GXYLT2: variants seen among roughly 807,000 people sequenced by gnomAD.
GXYLT2 encodes glycosyltransferase 8 domain containing 4.
In GXYLT2, 53 loss-of-function variants were observed where a neutral mutation model predicts 45.8. That is an observed-to-expected ratio of 1.16 (90% CI 0.93 to 1.46). The LOEUF is 1.46. Among genes scored for constraint, GXYLT2 ranks in the 40% most tolerant of loss-of-function variants. GXYLT2 has a pLI of 0.00. For missense variants in GXYLT2, 551 were observed against 544.4 expected, an observed-to-expected ratio of 1.01 and a Z score of -0.12; for synonymous variants, 219 against 214.2, an observed-to-expected ratio of 1.02 and a Z score of -0.19.
At chr3:72,967,790 T>C in intron 6 of GXYLT2, 71 bp downstream of exon 6, 1 of 1,379,650 alleles carries the variant, frequency 7.2e-7, no homozygotes, top group African/African-American at 1.4e-5. Context: ...TTTAGTCACC[T>C]GTCCCTTTGA....
chr3:72,957,864 G>T (rs11914597), intron 5 of GXYLT2, among the ~76,000 whole-genome samples: 45 of 152,220 alleles, frequency 3.0e-4, no homozygotes, highest in African/African-American at 1.0e-3. Flanking sequence ...TGGATGATTT[G>T]GTGGGGTAGA....
At chr3:72,892,090 T>C (rs1709193339) in intron 1 of GXYLT2, among the ~76,000 whole-genome samples, 2 of 152,206 alleles carry the variant, frequency 1.3e-5, no homozygotes, top group African/African-American at 4.8e-5. Context: ...AATTGGGTTC[T>C]AGTCCAAAGC....
In GXYLT2 at chr3:72,967,531, CT is replaced by C. The variant is rs758333911; in HGVS notation, c.977-15del. 3 of 1,608,494 alleles carry C rather than the reference CT, an allele frequency of 1.9e-6. No homozygotes were observed. The highest frequency in any genetic ancestry group is 2.6e-6 in the Non-Finnish European group (3 of 1,175,910). ...ACTAACCGTGGACATATATGTCTTTCTCTTTTTACCACCAGAGTGTCTCTAT... is the reference window on the plus strand; with the variant it reads ...ACTAACCGTGGACATATATGTCTTTCCTTTTTACCACCAGAGTGTCTCTAT... On this transcript the variant is annotated splice_polypyrimidine_tract_variant and intron_variant, in intron 5 of 6. Transcript: ENST00000389617.
intron 3 of GXYLT2, among the ~76,000 whole-genome samples, chr3:72,924,378 G>A (rs1709881692): frequency 6.6e-6 from 1 of 151,886 alleles, no homozygotes; most frequent in African/African-American, 2.4e-5. Context: ...ATTTTTTGTA[G>A]AGATGATGTC....
intron 2 of GXYLT2, among the ~76,000 whole-genome samples, chr3:72,914,595 G>A (rs549979401): frequency 5.3e-5 from 8 of 152,228 alleles, no homozygotes; most frequent in African/African-American, 1.9e-4. Flanking sequence ...GTGTGCCCAT[G>A]TGCGTGTGTG....
At chr3:72,950,348 C>G (rs1463799228) in intron 3 of GXYLT2, among the ~76,000 whole-genome samples, 4 of 152,134 alleles carry the variant, frequency 2.6e-5, no homozygotes, top group Non-Finnish European at 4.4e-5. Context: ...GTAATCCCAG[C>G]TACTCCAGAC....
intron 2 of GXYLT2, among the ~76,000 whole-genome samples, chr3:72,919,054 A>G (rs1041135333): frequency 1.3e-5 from 2 of 152,210 alleles, no homozygotes; most frequent in South Asian, 2.1e-4. Context: ...TCATGCAGCC[A>G]CTTTGGAAGA....
intron 5 of GXYLT2, among the ~76,000 whole-genome samples, chr3:72,961,675 AGAGAG>A (rs1372253328): frequency 2.5e-5 from 1 of 39,316 alleles, no homozygotes; most frequent in African/African-American, 4.5e-5. Context: ...AAAAAAAAAA[AGAGAG>A]AGAGAGAGAC....
At chr3:72,963,262 T>C (rs905306688) in intron 5 of GXYLT2, among the ~76,000 whole-genome samples, 1 of 152,170 alleles carries the variant, frequency 6.6e-6, no homozygotes, top group African/African-American at 2.4e-5. Flanking sequence ...CCCAAGAGTA[T>C]GAAATAATCA....
At chr3:72,907,266 C>G (rs1226241494) in intron 1 of GXYLT2, among the ~76,000 whole-genome samples, 1 of 152,214 alleles carries the variant, frequency 6.6e-6, no homozygotes, top group African/African-American at 2.4e-5. Flanking sequence ...AGTAATCAAA[C>G]TGGGAGCCTT....
intron 2 of GXYLT2, among the ~76,000 whole-genome samples, chr3:72,918,321 A>G (rs983916209): frequency 6.6e-6 from 1 of 152,190 alleles, no homozygotes; most frequent in Admixed American, 6.5e-5. Context: ...GTTCTATGAC[A>G]TTATCACTAA....
At chr3:72,953,836 G>A (rs1224312630) in intron 3 of GXYLT2, among the ~76,000 whole-genome samples, 14 of 152,128 alleles carry the variant, frequency 9.2e-5, no homozygotes, top group Admixed American at 9.2e-4. Flanking sequence ...ACTCACACCT[G>A]TGATCCCAGC....
At chr3:72,929,876 A>T (rs1249354090) in intron 3 of GXYLT2, among the ~76,000 whole-genome samples, 1 of 152,210 alleles carries the variant, frequency 6.6e-6, no homozygotes, top group African/African-American at 2.4e-5. Flanking sequence ...ATAAAAACAC[A>T]GAGTTGCAGG....
chr3:72,944,289 C>G (rs1710360864), intron 3 of GXYLT2, among the ~76,000 whole-genome samples: 4 of 146,132 alleles, frequency 2.7e-5, no homozygotes. Flanking sequence ...CTGTCTGGCT[C>G]TGTTGCCCAG....
intron 2 of GXYLT2, among the ~76,000 whole-genome samples, chr3:72,910,547 C>T (rs1709596298): frequency 1.3e-5 from 2 of 152,186 alleles, no homozygotes; most frequent in South Asian, 4.1e-4. Context: ...TAACAACTCC[C>T]CCAAAACTCA....
rs778915784 is a variant in GXYLT2 at position 72,908,432 on chromosome 3, T to G, written c.341T>G (p.Val114Gly). The change falls in exon 2 of 7, where the codon GTG (valine) becomes GGG (glycine). Residue 114 changes from valine to glycine, a missense_variant. Val to Gly is a moderately radical substitution (Grantham distance 109, BLOSUM62 -3). Transcript: ENST00000389617. ...CCCGAGCTCTGGATCCACCTGGCTG[T>G]GGTGGCCTGTGGCAATCGGCTGGAG... Reference protein sequence around the residue: ...LPPELWIHLAVVACGNRLEET... With the variant: ...LPPELWIHLAGVACGNRLEET... 2.5e-6 allele frequency: 4 copies of G among 1,613,964 alleles called. No homozygotes were observed. Among genetic ancestry groups the G allele is most frequent in the Non-Finnish European group, 3.4e-6 (4 of 1,179,878 alleles).
In GXYLT2 at chr3:72,911,400, C is replaced by T. The variant is rs115570630; in HGVS notation, c.468+2841C>T. On this transcript the variant is annotated intron_variant, in intron 2 of 6. Transcript: ENST00000389617. ...CAATGGTCCCACCTTCTGTTATTCT[C>T]ATGCTGGTATACTTCCCTCCTACAT... Among the ~76,000 whole-genome samples the T allele has an allele frequency of 6.3e-3, 966 of 152,294 alleles. 10 individuals are homozygous for T. Among genetic ancestry groups the T allele is most frequent in the African/African-American group, 0.022 (898 of 41,556 alleles).
rs1559732709 is a variant in GXYLT2 at position 72,915,367 on chromosome 3, G to GC, written c.468+6808_468+6809insC. Among the ~76,000 whole-genome samples the GC allele has an allele frequency of 2.1e-3, 258 of 124,032 alleles. 14 individuals carry two copies. Among genetic ancestry groups the GC allele is most frequent in the African/African-American group, 7.7e-3 (245 of 31,706 alleles). 81.4% of individuals were successfully genotyped at this position (124,032 alleles called of 152,430 possible). A position where few individuals can be genotyped will look rare whatever the true frequency, so the allele number is the denominator to read the frequency against. ...TTTTTTTTTTTTTGCGGGGGGGGGGGGGATTTAGGAAAAATAGCCCATAGA... is the reference window on the plus strand; with the variant it reads ...TTTTTTTTTTTTTGCGGGGGGGGGGGCGGATTTAGGAAAAATAGCCCATAGA... On this transcript the variant is annotated intron_variant, in intron 2 of 6. Transcript: ENST00000389617.
At chr3:72,910,125 G>C (rs932569631) in intron 2 of GXYLT2, among the ~76,000 whole-genome samples, 6 of 152,144 alleles carry the variant, frequency 3.9e-5, no homozygotes, top group African/African-American at 1.4e-4. Context: ...AAGTATAAGG[G>C]AAATGATAAT....
Sources: allele counts gnomAD v4.1 joint callset (sites outside exome capture counted in the v4.1 genomes callset), GRCh38; gene constraint gnomAD v4.1.1; transcripts MANE v1.5; gene names NCBI Gene and HGNC (gene_info 2026-07-23, HGNC 2026-07-21).